The following FAM117B variants were observed in gnomAD, a reference collection of about 807,000 sequenced individuals.
The protein encoded by FAM117B is protein FAM117B.
A neutral mutation model predicts 52.8 loss-of-function variants in FAM117B; 22 were observed. That is an observed-to-expected ratio of 0.42 (90% CI 0.30 to 0.59). The LOEUF (loss-of-function observed/expected upper bound fraction) is 0.59, where lower values mean the gene tolerates loss of function less well. Ranked by LOEUF, FAM117B falls within the 20% of genes least tolerant of loss-of-function variation. FAM117B has a pLI of 0.22. For synonymous variants in FAM117B, 309 were observed against 324.1 expected, an observed-to-expected ratio of 0.95 and a Z score of 0.50; for missense variants, 678 against 802.6, an observed-to-expected ratio of 0.84 and a Z score of 1.88.
At chr2:202,670,909 G>C (rs1690288369) in intron 1 of FAM117B, among the ~76,000 whole-genome samples, 2 of 152,202 alleles carry the variant, frequency 1.3e-5, no homozygotes, top group Non-Finnish European at 2.9e-5. Context: ...CTACCATGGT[G>C]TTTGCATTTT....
At chr2:202,638,330 G>T (rs1444882608) in intron 1 of FAM117B, among the ~76,000 whole-genome samples, 2 of 152,218 alleles carry the variant, frequency 1.3e-5, no homozygotes, top group Non-Finnish European at 2.9e-5. Flanking sequence ...TCTGATAACA[G>T]AATCTGGCTC....
chr2:202,644,036 C>G (rs985236256), intron 1 of FAM117B, among the ~76,000 whole-genome samples: 14 of 136,634 alleles, frequency 1.0e-4, no homozygotes, highest in Non-Finnish European at 2.1e-4. Flanking sequence ...ATATGCTATA[C>G]TACTGCTTTA....
intron 4 of FAM117B, among the ~76,000 whole-genome samples, chr2:202,746,526 T>C (rs1691636406): frequency 6.6e-6 from 1 of 151,576 alleles, no homozygotes; most frequent in Non-Finnish European, 1.5e-5. Flanking sequence ...ATAAACAATC[T>C]GAAGAGTGTA....
chr2:202,741,224 A>G (rs1049861541), intron 4 of FAM117B, among the ~76,000 whole-genome samples: 4 of 152,022 alleles, frequency 2.6e-5, no homozygotes, highest in African/African-American at 7.2e-5. Flanking sequence ...GATCAAGACC[A>G]TCCTGGTCAA....
chr2:202,648,549 A>G (rs1689905420), intron 1 of FAM117B, among the ~76,000 whole-genome samples: 1 of 136,410 alleles, frequency 7.3e-6, no homozygotes, highest in Non-Finnish European at 1.6e-5. Flanking sequence ...ATACATATAT[A>G]TATATGTATG....
chr2:202,653,707 G>T (rs1690009859), intron 1 of FAM117B, among the ~76,000 whole-genome samples: 1 of 152,038 alleles, frequency 6.6e-6, no homozygotes, highest in South Asian at 2.1e-4. Context: ...CTCATAATGT[G>T]TTCATTTGTT....
chr2:202,680,901 TAGTC>T (rs1453128188), intron 1 of FAM117B, among the ~76,000 whole-genome samples: 3 of 152,202 alleles, frequency 2.0e-5, no homozygotes, highest in South Asian at 2.1e-4. Flanking sequence ...GCACCTGAAA[TAGTC>T]AATTAATGGT....
At chr2:202,707,791 CAG>C (rs1690895195) in intron 2 of FAM117B, among the ~76,000 whole-genome samples, 1 of 149,102 alleles carries the variant, frequency 6.7e-6, no homozygotes, top group Admixed American at 6.7e-5. Flanking sequence ...TTTTTTGAGA[CAG>C]AGTCTTGCTC....
intron 1 of FAM117B, among the ~76,000 whole-genome samples, chr2:202,662,477 A>G (rs1375036934): frequency 6.6e-6 from 1 of 152,190 alleles, no homozygotes; most frequent in Non-Finnish European, 1.5e-5. Context: ...GTTGCACAGT[A>G]GGGTGACTAT....
intron 1 of FAM117B, among the ~76,000 whole-genome samples, chr2:202,673,997 T>G (rs1690340452): frequency 6.6e-6 from 1 of 152,156 alleles, no homozygotes; most frequent in Admixed American, 6.5e-5. Flanking sequence ...TCTCTTTCTT[T>G]TCAGGTACCT....
intron 4 of FAM117B, among the ~76,000 whole-genome samples, chr2:202,738,839 T>C (rs1691480238): frequency 6.6e-6 from 1 of 152,162 alleles, no homozygotes; most frequent in African/African-American, 2.4e-5. Flanking sequence ...ACATATTAAG[T>C]GCTTAATAAG....
At chr2:202,679,596 C>G (rs1399942703) in intron 1 of FAM117B, among the ~76,000 whole-genome samples, 1 of 152,138 alleles carries the variant, frequency 6.6e-6, no homozygotes, top group African/African-American at 2.4e-5. Context: ...TTTGATCACC[C>G]AGTATGTTCA....
chr2:202,741,496 A>G (rs1691537549), intron 4 of FAM117B, among the ~76,000 whole-genome samples: 1 of 148,674 alleles, frequency 6.7e-6, no homozygotes, highest in Non-Finnish European at 1.5e-5. Context: ...ATGATAGTAT[A>G]TCTAGTTGGA....
At chr2:202,643,846 A>G (rs1023168252) in intron 1 of FAM117B, among the ~76,000 whole-genome samples, 1 of 151,970 alleles carries the variant, frequency 6.6e-6, no homozygotes, top group Non-Finnish European at 1.5e-5. Context: ...AGTAGCTGGG[A>G]TTGTAGGTGT....
intron 1 of FAM117B, among the ~76,000 whole-genome samples, chr2:202,661,476 TA>T (rs1366323095): frequency 6.6e-6 from 1 of 152,230 alleles, no homozygotes; most frequent in Non-Finnish European, 1.5e-5. Context: ...AAACTGCCTT[TA>T]TAAAGTAGGT....
intron 2 of FAM117B, among the ~76,000 whole-genome samples, chr2:202,706,747 T>C (rs575931455): frequency 2.0e-5 from 3 of 152,356 alleles, no homozygotes; most frequent in South Asian, 4.1e-4. Flanking sequence ...ACAGCTGTTT[T>C]GAATAAAACC....
intron 1 of FAM117B, among the ~76,000 whole-genome samples, chr2:202,688,357 A>C (rs1690575265): frequency 6.6e-6 from 1 of 152,216 alleles, no homozygotes; most frequent in Admixed American, 6.5e-5. Context: ...CAGTGTCATC[A>C]GAATTTTGCG....
chr2:202,732,556 T>A (rs572576784), intron 4 of FAM117B, among the ~76,000 whole-genome samples: 2 of 152,146 alleles, frequency 1.3e-5, no homozygotes, highest in Non-Finnish European at 2.9e-5. Flanking sequence ...CGGCGGCTTA[T>A]GCCCGAAATA....
chr2:202,756,710 A>T (rs1691805147), intron 5 of FAM117B, among the ~76,000 whole-genome samples: 2 of 152,128 alleles, frequency 1.3e-5, no homozygotes, highest in African/African-American at 4.8e-5. Flanking sequence ...TAAGTGATCC[A>T]CACAGGCTTT....
Sources: gnomAD v4.1 joint callset for allele counts (sites outside exome capture counted in the v4.1 genomes callset) on GRCh38, gnomAD v4.1.1 for gene constraint, MANE v1.5 for transcripts, NCBI Gene and HGNC (gene_info 2026-07-23, HGNC 2026-07-21) for gene names.